The following PTPN13 variants were observed in gnomAD, a reference collection of about 807,000 sequenced individuals.
The protein encoded by PTPN13 is protein tyrosine phosphatase non-receptor type 13.
In PTPN13, 191 loss-of-function variants were observed where a neutral mutation model predicts 284.0. That is an observed-to-expected ratio of 0.67 (90% confidence interval 0.60 to 0.76). PTPN13 has a LOEUF of 0.76. Ranked by LOEUF, PTPN13 falls within the 30% of genes least tolerant of loss-of-function variation. The pLI, the probability that PTPN13 is intolerant of heterozygous loss-of-function variation, is 0.00. For synonymous variants in PTPN13, 986 were observed against 1,022.3 expected, an observed-to-expected ratio of 0.96 and a Z score of 0.68; for missense variants, 2,797 against 2,939.9, an observed-to-expected ratio of 0.95 and a Z score of 1.12.
chr4:86,647,080 A>C (rs1255728359), intron 2 of PTPN13, among the ~76,000 whole-genome samples: 1 of 152,200 alleles, frequency 6.6e-6, no homozygotes, highest in East Asian at 1.9e-4. Flanking sequence ...GATGGGGATG[A>C]AGCAGGGAAT....
intron 40 of PTPN13, among the ~76,000 whole-genome samples, chr4:86,789,542 G>C (rs1742373223): frequency 6.6e-6 from 1 of 152,034 alleles, no homozygotes; most frequent in South Asian, 2.1e-4. Flanking sequence ...TGTGACTCTT[G>C]GCACTACAAA....
rs773053422 is a variant in PTPN13 at position 86,775,268 on chromosome 4, T to G, written c.5606T>G (p.Leu1869Arg). ...KTVRLVIGRVLELPRIPMLPH... is the reference protein window; with the variant it reads ...KTVRLVIGRVRELPRIPMLPH... ...GTCAGATTAGTTATTGGACGAGTTC[T>G]AGAATTACCCAGAATACCAATGTTG... Residue 1869 changes from leucine to arginine, a missense_variant, in exon 34 of 48, where the codon CTA becomes CGA. Physicochemically the swap from Leu to Arg is moderately radical, Grantham distance 102. Transcript: ENST00000411767. The G allele has an allele frequency of 6.2e-7, 1 of 1,613,786 alleles. No individual in the cohort carries two copies. Among genetic ancestry groups the G allele is most frequent in the Admixed American group, 1.7e-5 (1 of 60,028 alleles).
At chr4:86,756,520 T>G (rs570144217) in intron 20 of PTPN13, among the ~76,000 whole-genome samples, 3 of 152,240 alleles carry the variant, frequency 2.0e-5, no homozygotes, top group African/African-American at 7.2e-5. Context: ...ACCACTACTC[T>G]TATTGCTAAT....
rs771634533 is a variant in PTPN13, at chr4:86,785,263, G to C, written c.6151G>C (p.Asp2051His). ...SYIQEDDIYD[D>H]SQEAEVIQSL... Reference sequence around the variant, plus strand: ...TATACAAGAAGATGACATTTATGATGATTCCCAAGAAGCTGAAGTTATCCA... The same window carrying C: ...TATACAAGAAGATGACATTTATGATCATTCCCAAGAAGCTGAAGTTATCCA... Residue 2051 changes from aspartate (D) to histidine (H), a missense_variant, in exon 39 of 48, where the codon GAT (aspartate) becomes CAT (histidine). By Grantham distance (81) the Asp-to-His change is moderately conservative. Transcript: ENST00000411767. 1.3e-6 allele frequency: 2 copies of C among 1,581,726 alleles called. No individual in the cohort carries two copies. The highest frequency in any genetic ancestry group is 2.2e-5 in the South Asian group (2 of 89,026).
chr4:86,632,061 T>TCCTTC (rs762606539), intron 1 of PTPN13, among the ~76,000 whole-genome samples: 5 of 152,060 alleles, frequency 3.3e-5, no homozygotes, highest in Non-Finnish European at 5.9e-5. Context: ...CATCCTTCCT[T>TCCTTC]ATATCACCAG....
chr4:86,647,585 C>T (rs55720272), intron 2 of PTPN13, among the ~76,000 whole-genome samples: 412 of 151,466 alleles, frequency 2.7e-3, no homozygotes, highest in African/African-American at 9.4e-3. Flanking sequence ...AATGAGAAAA[C>T]GTTAAAAGTA....
chr4:86,653,953 C>G (rs1416984444), intron 2 of PTPN13, among the ~76,000 whole-genome samples: 1 of 152,100 alleles, frequency 6.6e-6, no homozygotes, highest in Non-Finnish European at 1.5e-5. Context: ...TTTAACATAT[C>G]AAAACTCCAG....
intron 45 of PTPN13, among the ~76,000 whole-genome samples, chr4:86,809,191 G>T (rs1578732391): frequency 6.6e-6 from 1 of 152,158 alleles, no homozygotes; most frequent in East Asian, 1.9e-4. Context: ...GGTGCATTTG[G>T]AATGGGGTCA....
At chr4:86,685,205 C>G (rs1285632629) in intron 3 of PTPN13, among the ~76,000 whole-genome samples, 1 of 152,240 alleles carries the variant, frequency 6.6e-6, no homozygotes, top group African/African-American at 2.4e-5. Context: ...ACAAAGCAAA[C>G]AACCTAAAGA....
intron 40 of PTPN13, among the ~76,000 whole-genome samples, chr4:86,791,974 C>T (rs1167784686): frequency 6.6e-6 from 1 of 152,116 alleles, no homozygotes; most frequent in Non-Finnish European, 1.5e-5. Context: ...AGCTCCTTGC[C>T]AGCAAGGGAA....
At chr4:86,780,530 C>T (rs1741183271) in intron 36 of PTPN13, 58 bp downstream of exon 36, 1 of 1,176,846 alleles carries the variant, frequency 8.5e-7, no homozygotes, top group Admixed American at 1.9e-5. Flanking sequence ...TAAAATGGCA[C>T]ATCCATTTTG....
chr4:86,687,574 T>C (rs1729586572), intron 4 of PTPN13, among the ~76,000 whole-genome samples: 1 of 152,148 alleles, frequency 6.6e-6, no homozygotes, highest in Admixed American at 6.5e-5. Flanking sequence ...TATTCTAAAA[T>C]ACAAACATCT....
intron 5 of PTPN13, 97 bp downstream of exon 5, chr4:86,689,287 CAATG>C: frequency 1.1e-6 from 1 of 931,190 alleles, no homozygotes. Context: ...AGCATTTTCT[CAATG>C]AAGACTAGAA....
intron 46 of PTPN13, 82 bp downstream of exon 46, chr4:86,810,066 G>T: frequency 2.7e-6 from 3 of 1,129,942 alleles, no homozygotes; most frequent in East Asian, 2.6e-5. Flanking sequence ...TTGTGATCTT[G>T]GGATATTTTA....
At chr4:86,625,861 T>C (rs1012260952) in intron 1 of PTPN13, among the ~76,000 whole-genome samples, 2 of 152,220 alleles carry the variant, frequency 1.3e-5, no homozygotes, top group African/African-American at 2.4e-5. Context: ...AGGACAAATA[T>C]GAATTTTTAC....
intron 6 of PTPN13, 135 bp downstream of exon 6, chr4:86,693,809 G>A: frequency 1.9e-6 from 1 of 516,704 alleles, no homozygotes; most frequent in South Asian, 4.9e-5. Flanking sequence ...ACTGGAGGTA[G>A]GGAATGGGCA....
intron 1 of PTPN13, among the ~76,000 whole-genome samples, chr4:86,617,336 T>C (rs1253845839): frequency 6.6e-6 from 1 of 152,206 alleles, no homozygotes; most frequent in Non-Finnish European, 1.5e-5. Context: ...AGGGTTCAAC[T>C]TAATGATTTT....
At chr4:86,808,942 T>C (rs1316891669) in intron 45 of PTPN13, among the ~76,000 whole-genome samples, 1 of 152,054 alleles carries the variant, frequency 6.6e-6, no homozygotes, top group Non-Finnish European at 1.5e-5. Flanking sequence ...AAATGGCATT[T>C]GAGGAAAAAT....
intron 15 of PTPN13, among the ~76,000 whole-genome samples, chr4:86,740,043 C>A (rs954301516): frequency 3.3e-5 from 5 of 152,154 alleles, no homozygotes; most frequent in Admixed American, 1.3e-4. Context: ...AGGGTATAGA[C>A]CCCTCCTGGC....
Sources: allele counts gnomAD v4.1 joint callset (sites outside exome capture counted in the v4.1 genomes callset), GRCh38; gene constraint gnomAD v4.1.1; transcripts MANE v1.5; gene names NCBI Gene and HGNC (gene_info 2026-07-23, HGNC 2026-07-21).